NOX4: variants seen among roughly 807,000 people sequenced by gnomAD.
NOX4 encodes kidney oxidase-1.
NOX4 carries 69 observed loss-of-function variants against 87.6 expected under a neutral mutation model. The ratio of observed to expected loss-of-function variants is 0.79; its 90% CI spans 0.65 to 0.96. The LOEUF is 0.96. Among genes scored for constraint, NOX4 ranks in the 40% least tolerant of loss-of-function variants. NOX4 has a pLI of 0.00. For synonymous variants in NOX4, 275 were observed against 238.2 expected, an observed-to-expected ratio of 1.15 and a Z score of -1.42; for missense variants, 680 against 681.5, an observed-to-expected ratio of 1.00 and a Z score of 0.02.
chr11:89,346,717 G>T (rs967168193), intron 13 of NOX4, among the ~76,000 whole-genome samples: 1 of 152,160 alleles, frequency 6.6e-6, no homozygotes, highest in Non-Finnish European at 1.5e-5. Flanking sequence ...TCTGAGTCGG[G>T]AATGAGTTGT....
intron 2 of NOX4, among the ~76,000 whole-genome samples, chr11:89,490,011 A>C (rs2135496501): frequency 6.6e-6 from 1 of 152,274 alleles, no homozygotes; most frequent in South Asian, 2.1e-4. Flanking sequence ...GAAATGAATA[A>C]CCCCATTAGA....
chr11:89,366,270 G>A (rs1938976369), intron 12 of NOX4, among the ~76,000 whole-genome samples: 1 of 151,902 alleles, frequency 6.6e-6, no homozygotes, highest in Non-Finnish European at 1.5e-5. Context: ...GCAACTTTTA[G>A]GAACAGAACA....
At chr11:89,375,026 A>G (rs1487103879) in intron 11 of NOX4, among the ~76,000 whole-genome samples, 2 of 152,146 alleles carry the variant, frequency 1.3e-5, no homozygotes, top group African/African-American at 2.4e-5. Flanking sequence ...CAGTGAAAAC[A>G]CTAAATATAA....
At chr11:89,467,093 A>G (rs902830503) in intron 2 of NOX4, among the ~76,000 whole-genome samples, 1 of 152,072 alleles carries the variant, frequency 6.6e-6, no homozygotes, top group African/African-American at 2.4e-5. Flanking sequence ...TCACACCTGT[A>G]ATCCCAGCAC....
At chr11:89,560,527 T>A in the NOX4 span, among the ~76,000 whole-genome samples, 1 of 152,058 alleles carries the variant, frequency 6.6e-6, no homozygotes, top group East Asian at 1.9e-4. Flanking sequence ...ATTATTTCCA[T>A]GAGGTATGTC....
At chr11:89,494,470 TCTC>T (rs1227809429), upstream of NOX4, among the ~76,000 whole-genome samples, 10 of 152,186 alleles carry the variant, frequency 6.6e-5, no homozygotes, top group Non-Finnish European at 1.3e-4. Flanking sequence ...TGTGTCTAAT[TCTC>T]CTACTCAACT....
chr11:89,404,628 T>C (rs1190146953), intron 8 of NOX4, among the ~76,000 whole-genome samples: 1 of 152,238 alleles, frequency 6.6e-6, no homozygotes, highest in Non-Finnish European at 1.5e-5. Flanking sequence ...AAAACAAAAA[T>C]ATTTTAAAAG....
chr11:89,370,425 G>T (rs1348589035), intron 12 of NOX4, among the ~76,000 whole-genome samples: 4 of 151,466 alleles, frequency 2.6e-5, no homozygotes, highest in African/African-American at 7.3e-5. Flanking sequence ...TGGAATAAGT[G>T]GCTATTTAGA....
At chr11:89,441,818 A>C (rs1944467701) in intron 5 of NOX4, among the ~76,000 whole-genome samples, 1 of 151,884 alleles carries the variant, frequency 6.6e-6, no homozygotes, top group Admixed American at 6.6e-5. Flanking sequence ...CTATCAAGGA[A>C]GTGCAGCAGT....
the NOX4 span, among the ~76,000 whole-genome samples, chr11:89,567,356 T>C: frequency 2.0e-5 from 3 of 152,306 alleles, no homozygotes; most frequent in East Asian, 3.9e-4. Flanking sequence ...AGCACCTGCC[T>C]ATGGCCTCTT....
chr11:89,349,276 G>A (rs1363722652), intron 13 of NOX4, among the ~76,000 whole-genome samples: 1 of 149,760 alleles, frequency 6.7e-6, no homozygotes, highest in Non-Finnish European at 1.5e-5. Flanking sequence ...AACAGAGCGA[G>A]ACTCTGTCTA....
chr11:89,472,410 G>GA (rs891066604), intron 2 of NOX4, among the ~76,000 whole-genome samples: 222 of 150,022 alleles, frequency 1.5e-3, no homozygotes, highest in African/African-American at 5.1e-3. Flanking sequence ...CAATTCTAAA[G>GA]AAAAAAAAGG....
the NOX4 span, among the ~76,000 whole-genome samples, chr11:89,504,439 T>G: frequency 6.6e-6 from 1 of 151,938 alleles, no homozygotes; most frequent in South Asian, 2.1e-4. Context: ...CACTCTGTCA[T>G]GGATGAATAG....
At chr11:89,413,656 A>T (rs916249429) in intron 8 of NOX4, among the ~76,000 whole-genome samples, 1 of 152,108 alleles carries the variant, frequency 6.6e-6, no homozygotes, top group Non-Finnish European at 1.5e-5. Context: ...GAGTAGAATG[A>T]CGATTACCAG....
chr11:89,345,713 A>G (rs1255864791), intron 13 of NOX4, among the ~76,000 whole-genome samples: 2 of 152,206 alleles, frequency 1.3e-5, no homozygotes, highest in African/African-American at 4.8e-5. Flanking sequence ...TCATCTCAAT[A>G]GATGCAGAAA....
chr11:89,362,365 T>C (rs2135010015), intron 12 of NOX4, among the ~76,000 whole-genome samples: 1 of 152,196 alleles, frequency 6.6e-6, no homozygotes, highest in East Asian at 1.9e-4. Context: ...ACCTTCCAGA[T>C]GTTACATAAA....
chr11:89,396,025 T>C (rs963721171), intron 11 of NOX4, among the ~76,000 whole-genome samples: 1 of 152,178 alleles, frequency 6.6e-6, no homozygotes, highest in Middle Eastern at 3.2e-3. Context: ...AAGTAGTTTT[T>C]TCCAATTCTG....
chr11:89,392,997 T>A (rs1023581857), intron 11 of NOX4, among the ~76,000 whole-genome samples: 16 of 152,168 alleles, frequency 1.1e-4, no homozygotes, highest in Admixed American at 8.5e-4. Context: ...TTCTCTATTG[T>A]GCTTAAATTC....
intron 11 of NOX4, among the ~76,000 whole-genome samples, chr11:89,393,118 C>T (rs1164470373): frequency 6.6e-6 from 1 of 152,136 alleles, no homozygotes; most frequent in Non-Finnish European, 1.5e-5. Context: ...TTTTGCCCCT[C>T]AAAAGGCATC....
Sources: allele counts gnomAD v4.1 joint callset (sites outside exome capture counted in the v4.1 genomes callset), GRCh38; gene constraint gnomAD v4.1.1; transcripts MANE v1.5; gene names NCBI Gene and HGNC (gene_info 2026-07-23, HGNC 2026-07-21).